The following EDEM3 variants were observed in gnomAD, a reference collection of about 807,000 sequenced individuals.
EDEM3 encodes ER degradation enhancing alpha-mannosidase like protein 3, also known as ER degradation-enhancing alpha-mannosidase-like protein 3.
In EDEM3, 60 loss-of-function variants were observed where a neutral mutation model predicts 110.2. The ratio of observed to expected loss-of-function variants is 0.54; its 90% CI spans 0.44 to 0.67. The LOEUF (loss-of-function observed/expected upper bound fraction) is 0.67, where lower values mean the gene tolerates loss of function less well. EDEM3 is among the 30% of genes least tolerant of loss of function. The pLI is 0.00. For synonymous variants in EDEM3, 352 were observed against 382.9 expected (o/e 0.92, Z 0.94); for missense variants, 996 against 1,121.0 (o/e 0.89, Z 1.59).
chr1:184,725,116 T>C (rs1389134727), intron 7 of EDEM3, among the ~76,000 whole-genome samples: 2 of 152,228 alleles, frequency 1.3e-5, no homozygotes, highest in Admixed American at 1.3e-4. Context: ...CAACCCTGTA[T>C]TATATCAATG....
chr1:184,711,455 G>A (rs1320336453), intron 15 of EDEM3, among the ~76,000 whole-genome samples: 1 of 152,050 alleles, frequency 6.6e-6, no homozygotes, highest in Non-Finnish European at 1.5e-5. Context: ...GTTAAAAACT[G>A]TTACATGCTG....
chr1:184,711,164 T>C (rs1650208487), intron 15 of EDEM3, among the ~76,000 whole-genome samples: 2 of 152,080 alleles, frequency 1.3e-5, no homozygotes, highest in Admixed American at 1.3e-4. Context: ...AATGGCGTGA[T>C]CTTGGCTCAC....
rs566669335 is a variant in EDEM3 at position 184,754,709 on chromosome 1, C to G, written c.-63G>C. 44 of 1,462,586 alleles carry G rather than the reference C, an allele frequency of 3.0e-5. No homozygotes were observed. In the South Asian group the frequency reaches 5.8e-4, roughly 19 times the overall value. The allele number at this position is 1,462,586 out of a possible 1,614,324, so 90.6% of individuals were successfully genotyped here. On this transcript the variant is annotated 5_prime_UTR_variant, in exon 1 of 20. Transcript: ENST00000318130. Reference sequence around the variant, plus strand: ...GGCCGGTGAGACACATTGCTGGACGCTGGTGGCCAGGGGGCTGCTAGCCGT... The same window carrying G: ...GGCCGGTGAGACACATTGCTGGACGGTGGTGGCCAGGGGGCTGCTAGCCGT...
intron 12 of EDEM3, 39 bp downstream of exon 12, chr1:184,717,501 G>A (rs1286773264): frequency 6.6e-7 from 1 of 1,526,622 alleles, no homozygotes. Context: ...ACAGAGAATG[G>A]AGGCTAAACT....
chr1:184,739,148 C>T (rs1204587295), intron 2 of EDEM3, among the ~76,000 whole-genome samples: 3 of 151,362 alleles, frequency 2.0e-5, no homozygotes, highest in Non-Finnish European at 4.4e-5. Flanking sequence ...TTTGCGAACA[C>T]ATTTCTGTAG....
chr1:184,693,794 T>A lies in EDEM3; in HGVS notation c.*269A>T. 3.0e-6 allele frequency: 1 copy of A among 330,630 alleles called. No individual in the cohort carries two copies. Among genetic ancestry groups the A allele is most frequent in the South Asian group, 8.4e-5 (1 of 11,848 alleles). The allele number at this position is 330,630 out of a possible 1,614,324, so 20.5% of individuals were successfully genotyped here. A position where few individuals can be genotyped will look rare whatever the true frequency, so the allele number is the denominator to read the frequency against. On this transcript the variant is annotated 3_prime_UTR_variant, in exon 20 of 20. Coordinates refer to ENST00000318130, the MANE Select transcript of EDEM3 (RefSeq NM_025191.4). ...GTTCGCAGGAATGCTCAGTAATCTT[T>A]CCCTGGCCTGAGGTGTTGCAGGGTG...
chr1:184,697,083 A>G (rs1649371110), intron 19 of EDEM3, among the ~76,000 whole-genome samples: 2 of 151,922 alleles, frequency 1.3e-5, no homozygotes, highest in South Asian at 4.1e-4. Context: ...GCAAATACCA[A>G]TAACTCCTTT....
intron 19 of EDEM3, among the ~76,000 whole-genome samples, chr1:184,700,230 T>G (rs943463384): frequency 2.0e-5 from 3 of 151,912 alleles, no homozygotes; most frequent in Admixed American, 6.6e-5. Flanking sequence ...CATGGACTTA[T>G]CAGAAGAAGA....
At chr1:184,702,718 C>T in intron 19 of EDEM3, 93 bp downstream of exon 19, 1 of 1,045,656 alleles carries the variant, frequency 9.6e-7, no homozygotes, top group Non-Finnish European at 1.3e-6. Flanking sequence ...ACAGTGAACC[C>T]CCCAAAACAA....
In EDEM3 at chr1:184,700,892, G is replaced by A. The variant is rs534867643; in HGVS notation, c.2389+1919C>T. Among the ~76,000 whole-genome samples, 21 of 151,930 alleles carry A rather than the reference G, an allele frequency of 1.4e-4. No homozygotes were observed. In the East Asian group the frequency reaches 4.1e-3, roughly 29 times the overall value. ...TAATATAGCTGTACAGTTCTATAAAGAGCTATTACACAAAAAGGGGGCTTT... is the reference window on the plus strand; with the variant it reads ...TAATATAGCTGTACAGTTCTATAAAAAGCTATTACACAAAAAGGGGGCTTT... On this transcript the variant is annotated intron_variant, in intron 19 of 19. Transcript: ENST00000318130.
At chr1:184,740,333 G>A (rs765032142) in intron 2 of EDEM3, among the ~76,000 whole-genome samples, 3 of 151,830 alleles carry the variant, frequency 2.0e-5, no homozygotes, top group African/African-American at 7.3e-5. Context: ...CACTTTGTAC[G>A]GTCTCACTAT....
rs569978633 is a variant in EDEM3 at position 184,701,373 on chromosome 1, G to A, written c.2389+1438C>T. The A allele has an allele frequency of 6.0e-5, 21 of 352,264 alleles. 1 individual carries two copies. The South Asian group carries it at 6.8e-4, about 11-fold the overall frequency. 21.8% of individuals were successfully genotyped at this position (352,264 alleles called of 1,614,324 possible). On this transcript the variant is annotated intron_variant, in intron 19 of 19. Coordinates refer to ENST00000318130, the MANE Select transcript of EDEM3 (RefSeq NM_025191.4). ...CTAGACATGAAAATAATCTAATTAC[G>A]TTACACAAGATATTATCATGGTATC... is the stretch of plus-strand genomic sequence containing the variant.
chr1:184,737,579 GATGCC>G, intron 3 of EDEM3, 27 bp downstream of exon 3: 1 of 1,599,164 alleles, frequency 6.3e-7, no homozygotes, highest in Non-Finnish European at 8.6e-7. Context: ...GGAACTCTGA[GATGCC>G]ATGCCATGCC....
intron 11 of EDEM3, 78 bp from the exon 12 acceptor site, chr1:184,717,701 T>A: frequency 9.7e-7 from 1 of 1,035,356 alleles, no homozygotes. Flanking sequence ...AGAATATATA[T>A]AAATAGGTAA....
At chr1:184,708,941 C>T (rs1182236332) in intron 16 of EDEM3, among the ~76,000 whole-genome samples, 1 of 152,000 alleles carries the variant, frequency 6.6e-6, no homozygotes, top group Non-Finnish European at 1.5e-5. Context: ...TAGAATGACA[C>T]TTGAATTGAG....
intron 6 of EDEM3, among the ~76,000 whole-genome samples, chr1:184,728,854 C>T (rs1651340563): frequency 1.3e-5 from 2 of 152,258 alleles, no homozygotes; most frequent in Non-Finnish European, 1.5e-5. Context: ...GTGATCCGCC[C>T]GACTTGGCCT....
Position 184,737,690 on chromosome 1 carries a change from C to G in EDEM3, c.226G>C (p.Glu76Gln). The change falls in exon 3 of 20, where the codon GAA (glutamate) becomes CAA (glutamine). Residue 76 changes from glutamate (E) to glutamine (Q), a missense_variant. Around this residue, in one of 5 missense-constraint regions of EDEM3, gnomAD observed 200 missense variants for 183.8 expected, o/e 1.09. Transcript: ENST00000318130. The stretch of plus-strand genomic sequence containing the variant: ...CCTCTACAGGTTAAAGGCATGAGTT[C>G]ATCAGCAGGGTAAGCATGTTCCTGC... ...NYMEHAYPAD[E>Q]LMPLTCRGRV... is the part of the protein sequence containing the mutation. 6.2e-7 allele frequency: 1 copy of G among 1,613,836 alleles called. No individual in the cohort carries two copies. Among genetic ancestry groups the G allele is most frequent in the Non-Finnish European group, 8.5e-7 (1 of 1,179,824 alleles).
At position 184,725,120 on chromosome 1, in the gene EDEM3, A is replaced by G. The variant is rs78760615; in HGVS notation, c.747+1135T>C. ...CTGCAGTTTGCCAACCCTGTATTAT[A>G]TCAATGCTTTGTCAACTGCATCTTC... On this transcript the variant is annotated intron_variant, in intron 7 of 19. Coordinates refer to ENST00000318130, the MANE Select transcript of EDEM3 (RefSeq NM_025191.4). Among the ~76,000 whole-genome samples, 435 of 152,360 alleles carry G rather than the reference A, an allele frequency of 2.9e-3. 5 individuals carry two copies. In the East Asian group the frequency reaches 0.036, roughly 12 times the overall value.
intron 1 of EDEM3, among the ~76,000 whole-genome samples, chr1:184,753,945 T>A (rs1009668707): frequency 1.3e-5 from 2 of 152,198 alleles, no homozygotes; most frequent in African/African-American, 4.8e-5. Flanking sequence ...TTTTGAATAA[T>A]TTCCCCCCAA....
Sources: allele counts gnomAD v4.1 joint callset (sites outside exome capture counted in the v4.1 genomes callset), GRCh38; gene constraint gnomAD v4.1.1; regional missense constraint gnomAD v4.1.1; transcripts MANE v1.5; gene names NCBI Gene and HGNC (gene_info 2026-07-23, HGNC 2026-07-21).